The following ZNF568 variants were observed in gnomAD, a reference collection of about 807,000 sequenced individuals.
ZNF568 encodes p53 inhibitor of SCO2 activation.
Under a neutral mutation model 18.1 loss-of-function variants are expected in ZNF568, and 11 were observed. The observed-to-expected ratio is 0.61, with a 90% CI of 0.38 to 1.00. ZNF568 has a LOEUF of 1.00. Ranked by LOEUF, ZNF568 falls within the 50% of genes least tolerant of loss-of-function variation. The pLI, the probability that ZNF568 is intolerant of heterozygous loss-of-function variation, is 0.01. For synonymous variants in ZNF568, 213 were observed against 246.6 expected, an observed-to-expected ratio of 0.86 and a Z score of 1.28; for missense variants, 639 against 768.2, an observed-to-expected ratio of 0.83 and a Z score of 1.99.
At position 36,994,745 on chromosome 19, in the gene ZNF568, C is replaced by G. The variant is rs151223569; in HGVS notation, c.230-1572C>G. On this transcript the variant is annotated intron_variant, in intron 4 of 4. Transcript: ENST00000433993. ...GGAGTGCAGTAGCACAATCTCTGCT[C>G]ACTGCAACCTCCACCTCCCAGGTTG... Among the ~76,000 whole-genome samples, 319 of 152,236 alleles carry G rather than the reference C, an allele frequency of 2.1e-3. 4 individuals are homozygous for G. The highest frequency in any genetic ancestry group is 7.5e-3 in the African/African-American group (311 of 41,556).
At chr19:36,965,919 C>G (rs900345418) in intron 6 of ZNF568, among the ~76,000 whole-genome samples, 15 of 151,650 alleles carry the variant, frequency 9.9e-5, no homozygotes, top group Non-Finnish European at 2.2e-4. Context: ...AGGGTGGTCT[C>G]AAACTCCTGA....
Position 36,928,044 on chromosome 19 carries a change from A to T in ZNF568, c.135+2786A>T, listed in dbSNP as rs142013912. Reference sequence around the variant, plus strand: ...ATTCTCATGCCTCAGCCTCCCAAGCAGCTGGGATTACAGGGGTACACCACC... The same window carrying T: ...ATTCTCATGCCTCAGCCTCCCAAGCTGCTGGGATTACAGGGGTACACCACC... On this transcript the variant is annotated intron_variant, in intron 4 of 6. Coordinates refer to ENST00000333987, the MANE Select transcript of ZNF568 (RefSeq NM_198539.4). 5.9e-3 allele frequency among the ~76,000 whole-genome samples: 873 copies of T among 148,326 alleles called. 25 individuals are homozygous for T. Among genetic ancestry groups the T allele is most frequent in the East Asian group, 0.052 (257 of 4,940 alleles).
At chr19:36,978,097 C>T (rs1173600910) in intron 7 of ZNF568, among the ~76,000 whole-genome samples, 1 of 152,234 alleles carries the variant, frequency 6.6e-6, no homozygotes. Context: ...CCTGGCTCCA[C>T]TTTTACTCTT....
At chr19:36,945,191 GAAGA>G (rs530336395) in intron 6 of ZNF568, among the ~76,000 whole-genome samples, 152 of 148,952 alleles carry the variant, frequency 1.0e-3, no homozygotes, top group African/African-American at 3.6e-3. Context: ...AAATGGATGG[GAAGA>G]GAGACAGAGA....
downstream of ZNF568, among the ~76,000 whole-genome samples, chr19:36,953,876 A>G (rs2074087686): frequency 6.6e-6 from 1 of 151,754 alleles, no homozygotes. Context: ...GTGCCACTGC[A>G]CTCCAGTCTG....
At chr19:36,981,151 T>G (rs559646026), downstream of ZNF568, among the ~76,000 whole-genome samples, 1 of 152,350 alleles carries the variant, frequency 6.6e-6, no homozygotes, top group South Asian at 2.1e-4. Flanking sequence ...CCTATGTATA[T>G]GTTTGTCTAT....
downstream of ZNF568, among the ~76,000 whole-genome samples, chr19:36,957,587 C>A (rs1166085316): frequency 1.3e-5 from 2 of 152,116 alleles, no homozygotes; most frequent in East Asian, 3.9e-4. Flanking sequence ...AACTTGATGT[C>A]ATGGGCTAAA....
At chr19:36,917,959 G>T (rs367959092) in intron 2 of ZNF568, among the ~76,000 whole-genome samples, 204 of 151,994 alleles carry the variant, frequency 1.3e-3, no homozygotes, top group African/African-American at 4.7e-3. Context: ...GTTTTGTTTT[G>T]TTTTTTTGAG....
intron 5 of ZNF568, 57 bp downstream of exon 5, chr19:36,936,929 T>C: frequency 1.3e-6 from 2 of 1,594,106 alleles, no homozygotes; most frequent in Non-Finnish European, 1.7e-6. Flanking sequence ...ATTTCTGAAA[T>C]GTGTGAAGAC....
Position 36,937,178 on chromosome 19 carries a change from C to T in ZNF568, c.294C>T (p.Phe98=). The T allele has an allele frequency of 6.2e-7, 1 of 1,613,964 alleles. No homozygotes were observed. Among genetic ancestry groups the T allele is most frequent in the Non-Finnish European group, 8.5e-7 (1 of 1,179,912 alleles). Residue 98 remains phenylalanine, a synonymous_variant, in exon 6 of 7, where the codon TTC becomes TTT. Coordinates refer to ENST00000333987, the MANE Select transcript of ZNF568 (RefSeq NM_198539.4). ...AAGTCACCAAACCGGATGTGATATT[C>T]AAGTTGGAGCAAGAAGAGGAGCCCT... ...GCQVTKPDVI[F]KLEQEEEPWV...
chr19:36,943,075 C>T (rs772777118), intron 6 of ZNF568, among the ~76,000 whole-genome samples: 21 of 152,276 alleles, frequency 1.4e-4, no homozygotes, highest in Non-Finnish European at 2.5e-4. Flanking sequence ...TGACATGCTT[C>T]TTTATCCCAT....
At chr19:36,985,963 T>C (rs978130592) in intron 2 of ZNF568, among the ~76,000 whole-genome samples, 2 of 152,226 alleles carry the variant, frequency 1.3e-5, no homozygotes, top group Non-Finnish European at 2.9e-5. Context: ...TTATTTTCCT[T>C]GGAATTCTAC....
chr19:36,953,516 G>A (rs75815500), downstream of ZNF568, among the ~76,000 whole-genome samples: 34 of 152,236 alleles, frequency 2.2e-4, no homozygotes, highest in East Asian at 6.6e-3. Flanking sequence ...CTCATTCTCT[G>A]TAATAATACA....
At chr19:36,968,501 G>T (rs1037194772) in intron 6 of ZNF568, among the ~76,000 whole-genome samples, 4 of 146,278 alleles carry the variant, frequency 2.7e-5, no homozygotes, top group Non-Finnish European at 4.5e-5. Flanking sequence ...CTGAGATTGC[G>T]CCACTGCACT....
chr19:36,947,499 T>C (rs1258075642), intron 6 of ZNF568, among the ~76,000 whole-genome samples: 6 of 152,184 alleles, frequency 3.9e-5, no homozygotes, highest in African/African-American at 1.4e-4. Flanking sequence ...CATGCAGTTA[T>C]GTCTAGGAAA....
chr19:36,925,188 C>G lies in ZNF568; in HGVS notation c.77-12C>G, dbSNP rs1423031975. Reference sequence around the variant, plus strand: ...ACTTTGAAGCAAATCTGTTTCATTTCTCTTCCCTCAGCTTGGTGTTCTCAA... The same window carrying G: ...ACTTTGAAGCAAATCTGTTTCATTTGTCTTCCCTCAGCTTGGTGTTCTCAA... On this transcript the variant is annotated splice_polypyrimidine_tract_variant and intron_variant, in intron 3 of 6. Coordinates refer to ENST00000333987, the MANE Select transcript of ZNF568 (RefSeq NM_198539.4). The G allele has an allele frequency of 7.4e-6, 12 of 1,613,748 alleles. No individual in the cohort carries two copies. Among genetic ancestry groups the G allele is most frequent in the Non-Finnish European group, 8.5e-6 (10 of 1,179,794 alleles).
At chr19:36,942,198 T>A (rs1043397104) in intron 6 of ZNF568, among the ~76,000 whole-genome samples, 4 of 151,556 alleles carry the variant, frequency 2.6e-5, no homozygotes, top group African/African-American at 9.7e-5. Flanking sequence ...GTCAGGCTAG[T>A]CTCGAACTCC....
chr19:36,950,413 T>C lies in ZNF568; in HGVS notation c.1260T>C (p.Cys420=), dbSNP rs201706169. Residue 420 remains cysteine, a synonymous_variant, in exon 7 of 7, where the codon TGT becomes TGC. Coordinates refer to ENST00000333987, the MANE Select transcript of ZNF568 (RefSeq NM_198539.4). ...ACACTGGTGAGAAACCCTATGTATG[T>C]AGTGAATGTGGGAAAGCCTTCTCTC... The part of the protein sequence containing the change: ...RSHTGEKPYV[C]SECGKAFSQS... The C allele has an allele frequency of 3.7e-5, 60 of 1,614,060 alleles. No homozygotes were observed. The highest frequency in any genetic ancestry group is 2.7e-4 in the East Asian group (12 of 44,850).
Position 36,952,040 on chromosome 19 carries a change from T to G in ZNF568, c.*952T>G. 1 of 543,584 alleles carries G rather than the reference T, an allele frequency of 1.8e-6. No homozygotes were observed. The highest frequency in any genetic ancestry group is 2.1e-6 in the Non-Finnish European group (1 of 468,246). The allele number at this position is 543,584 out of a possible 1,614,324, so 33.7% of individuals were successfully genotyped here. ...TCTATGACGTTGAGGCCAAGGAGCT[T>G]TTTTTTTTTTTTTTTCAAGACAAAA... On this transcript the variant is annotated 3_prime_UTR_variant, in exon 7 of 7. Transcript: ENST00000333987.
Sources: allele counts gnomAD v4.1 joint callset (sites outside exome capture counted in the v4.1 genomes callset), GRCh38; gene constraint gnomAD v4.1.1; transcripts MANE v1.5; gene names NCBI Gene and HGNC (gene_info 2026-07-23, HGNC 2026-07-21).